SLC6A15: variants seen among roughly 807,000 people sequenced by gnomAD.
SLC6A15 encodes sodium-dependent neutral amino acid transporter B(0)AT2.
SLC6A15 carries 33 observed loss-of-function variants against 68.5 expected under a neutral mutation model. The observed-to-expected ratio is 0.48, with a 90% confidence interval of 0.37 to 0.64. The LOEUF is 0.64. Among genes scored for constraint, SLC6A15 ranks in the 30% least tolerant of loss-of-function variants. The pLI is 0.00. For synonymous variants in SLC6A15, 347 were observed against 301.0 expected (o/e 1.15, Z -1.58); for missense variants, 747 against 874.3 (o/e 0.85, Z 1.84).
At position 84,874,576 on chromosome 12, in the gene SLC6A15, G is replaced by A. The variant is rs930192346; in HGVS notation, c.868-1248C>T. ...ATTCTCTCAAACAATAGGATGTATT[G>A]CTTCAACTAATTTTGGTTATTAAAA... is the stretch of plus-strand genomic sequence containing the variant. On this transcript the variant is annotated intron_variant, in intron 6 of 11. Transcript: ENST00000266682. 6 of 152,062 alleles carry A rather than the reference G, an allele frequency of 3.9e-5. No homozygotes were observed. The East Asian group carries it at 9.6e-4, about 24-fold the overall frequency. 9.4% of individuals were successfully genotyped at this position (152,062 alleles called of 1,614,324 possible). A position where few individuals can be genotyped will look rare whatever the true frequency, so the allele number is the denominator to read the frequency against.
chr12:84,894,730 C>T (rs1003338188), intron 1 of SLC6A15, among the ~76,000 whole-genome samples: 1 of 152,192 alleles, frequency 6.6e-6, no homozygotes, highest in Admixed American at 6.5e-5. Flanking sequence ...GAATAATCCT[C>T]ACCAATTTAC....
intron 5 of SLC6A15, among the ~76,000 whole-genome samples, chr12:84,880,649 A>G (rs1871779905): frequency 6.6e-6 from 1 of 152,184 alleles, no homozygotes; most frequent in Non-Finnish European, 1.5e-5. Flanking sequence ...CAAGAAGTAT[A>G]CATTTTTAAA....
intron 2 of SLC6A15, among the ~76,000 whole-genome samples, chr12:84,889,968 C>CA (rs1467938203): frequency 1.3e-5 from 2 of 151,858 alleles, no homozygotes; most frequent in Non-Finnish European, 2.9e-5. Context: ...TTCTATTACT[C>CA]AAAAAGTGCT....
At position 84,867,201 on chromosome 12, in the gene SLC6A15, A is replaced by G; in HGVS notation, c.1496-8T>C. 3 of 1,569,738 alleles carry G rather than the reference A, an allele frequency of 1.9e-6. No individual in the cohort carries two copies. Among genetic ancestry groups the G allele is most frequent in the Non-Finnish European group, 1.7e-6 (2 of 1,162,044 alleles). On this transcript the variant is annotated splice_region_variant and splice_polypyrimidine_tract_variant and intron_variant, in intron 9 of 11. Transcript: ENST00000266682. ...CCAGAAGACAACAGATAACTAGACA[A>G]AAGAAATAAATGAAAAAATGAGACT...
At chr12:84,912,028 G>A (rs1873490980) in intron 1 of SLC6A15, 1 of 152,188 alleles carries the variant, frequency 6.6e-6, no homozygotes, top group African/African-American at 2.4e-5. Flanking sequence ...AGCGAATGAG[G>A]AATAAAGCTC....
intron 1 of SLC6A15, among the ~76,000 whole-genome samples, chr12:84,895,540 G>A (rs930503472): frequency 6.6e-6 from 1 of 151,390 alleles, no homozygotes; most frequent in African/African-American, 2.4e-5. Flanking sequence ...GTAGAGACGA[G>A]GTTTCACCTT....
intron 7 of SLC6A15, 55 bp from the exon 8 acceptor site, chr12:84,872,849 T>C: frequency 7.1e-7 from 1 of 1,404,922 alleles, no homozygotes; most frequent in East Asian, 2.3e-5. Flanking sequence ...GGTGTATAGT[T>C]TGTGAACGAC....
At chr12:84,869,265 C>A (rs1203423243) in intron 9 of SLC6A15, among the ~76,000 whole-genome samples, 1 of 151,920 alleles carries the variant, frequency 6.6e-6, no homozygotes, top group African/African-American at 2.4e-5. Context: ...TGAGACCATC[C>A]TGGCTAACAC....
intron 5 of SLC6A15, among the ~76,000 whole-genome samples, chr12:84,880,359 CATA>C (rs1172001933): frequency 6.6e-6 from 1 of 152,146 alleles, no homozygotes; most frequent in Non-Finnish European, 1.5e-5. Context: ...CAGCCACTTG[CATA>C]ATATTATTAA....
At chr12:84,863,843 T>C (rs1483799722) in intron 10 of SLC6A15, among the ~76,000 whole-genome samples, 2 of 151,948 alleles carry the variant, frequency 1.3e-5, no homozygotes, top group Non-Finnish European at 2.9e-5. Context: ...CTGATAACTT[T>C]CTATTCTATA....
intron 4 of SLC6A15, among the ~76,000 whole-genome samples, 178 bp from the exon 5 acceptor site, chr12:84,884,218 G>A (rs1871972261): frequency 6.6e-6 from 1 of 152,184 alleles, no homozygotes; most frequent in Admixed American, 6.5e-5. Context: ...AAACAGAAAT[G>A]TATCCTGTTA....
At chr12:84,876,343 A>T (rs1871539892) in intron 6 of SLC6A15, among the ~76,000 whole-genome samples, 154 bp downstream of exon 6, 1 of 152,154 alleles carries the variant, frequency 6.6e-6, no homozygotes, top group Non-Finnish European at 1.5e-5. Context: ...TACATAAAAA[A>T]TGCTGGTTTT....
intron 2 of SLC6A15, among the ~76,000 whole-genome samples, chr12:84,886,822 T>G (rs1047615649): frequency 9.9e-5 from 15 of 152,192 alleles, no homozygotes; most frequent in Admixed American, 9.8e-4. Flanking sequence ...AATCACAAAT[T>G]AAGACATATG....
intron 9 of SLC6A15, chr12:84,867,491 A>T (rs1223780154): frequency 5.5e-6 from 1 of 180,246 alleles, no homozygotes; most frequent in African/African-American, 2.4e-5. Flanking sequence ...ATTTAAAAGT[A>T]TAAATTTCCA....
chr12:84,905,193 G>A (rs1172954030), intron 1 of SLC6A15, among the ~76,000 whole-genome samples: 1 of 152,080 alleles, frequency 6.6e-6, no homozygotes, highest in South Asian at 2.1e-4. Flanking sequence ...AGAATTCAGT[G>A]ATGTATAAAA....
chr12:84,874,006 A>T (rs1871405330), intron 6 of SLC6A15, among the ~76,000 whole-genome samples: 1 of 152,240 alleles, frequency 6.6e-6, no homozygotes, highest in South Asian at 2.1e-4. Context: ...TTATCACTGT[A>T]TATAATCAAA....
intron 5 of SLC6A15, among the ~76,000 whole-genome samples, chr12:84,880,327 C>T (rs1442260465): frequency 6.6e-6 from 1 of 152,148 alleles, no homozygotes; most frequent in Non-Finnish European, 1.5e-5. Flanking sequence ...ACTCATATGG[C>T]TCTAATCTTA....
chr12:84,869,644 A>G (rs1182838614), intron 9 of SLC6A15, among the ~76,000 whole-genome samples: 1 of 152,080 alleles, frequency 6.6e-6, no homozygotes, highest in Non-Finnish European at 1.5e-5. Context: ...TATGTTTACT[A>G]GCTATCCTCT....
chr12:84,873,861 G>T (rs999316207), intron 6 of SLC6A15, among the ~76,000 whole-genome samples: 2 of 152,108 alleles, frequency 1.3e-5, no homozygotes, highest in East Asian at 1.9e-4. Context: ...TCTGCTAAAA[G>T]ATTTTTCTTT....
Sources: gnomAD v4.1 joint callset for allele counts (sites outside exome capture counted in the v4.1 genomes callset) on GRCh38, gnomAD v4.1.1 for gene constraint, MANE v1.5 for transcripts, NCBI Gene and HGNC (gene_info 2026-07-23, HGNC 2026-07-21) for gene names.